ADGRE2: variants seen among roughly 807,000 people sequenced by gnomAD.
ADGRE2 encodes the protein adhesion G protein-coupled receptor E2, also known as CD97 antigen.
In ADGRE2, 83 loss-of-function variants were observed where a neutral mutation model predicts 100.8. The ratio of observed to expected loss-of-function variants is 0.82; its 90% confidence interval spans 0.69 to 0.99. The LOEUF is 0.99. Ranked by LOEUF, ADGRE2 falls within the 50% of genes least tolerant of loss-of-function variation. ADGRE2 has a pLI of 0.00. For missense variants in ADGRE2, 814 were observed against 1,035.7 expected (o/e 0.79, Z 2.94); for synonymous variants, 355 against 413.0 (o/e 0.86, Z 1.70).
At position 14,764,757 on chromosome 19, in the gene ADGRE2, G is replaced by A. The variant is rs183725720; in HGVS notation, c.907-147C>T. Reference sequence around the variant, plus strand: ...TTGGCGGCTGGGCGCGGTGGCTCACGCCTCTAATTCCAGCACTTTGGGAGG... The same window carrying A: ...TTGGCGGCTGGGCGCGGTGGCTCACACCTCTAATTCCAGCACTTTGGGAGG... On this transcript the variant is annotated intron_variant, in intron 10 of 20. Coordinates refer to ENST00000315576, the MANE Select transcript of ADGRE2 (RefSeq NM_013447.4). The A allele has an allele frequency of 3.5e-4, 281 of 812,510 alleles. 3 individuals carry two copies. The African/African-American group carries it at 4.3e-3, about 13-fold the overall frequency. 50.3% of individuals were successfully genotyped at this position (812,510 alleles called of 1,614,324 possible). A position where few individuals can be genotyped will look rare whatever the true frequency, so the allele number is the denominator to read the frequency against.
chr19:14,748,340 C>T (rs1158749263), intron 16 of ADGRE2, among the ~76,000 whole-genome samples: 4 of 132,408 alleles, frequency 3.0e-5, no homozygotes, highest in African/African-American at 1.2e-4. Flanking sequence ...GATGGAGTCT[C>T]GCTCTGTGGC....
chr19:14,731,930 T>A (rs757295), downstream of ADGRE2: 115,549 of 152,098 alleles, frequency 0.76, 44,533 homozygotes, highest in African/African-American at 0.87. Context: ...CCTCTGACCT[T>A]CCTTCCCCAA....
chr19:14,772,073 G>A (rs2044231417), intron 5 of ADGRE2: 3 of 513,656 alleles, frequency 5.8e-6, no homozygotes, highest in Admixed American at 3.3e-5. Context: ...AAGGCTCTAA[G>A]AGCAGTAGTG....
In ADGRE2 at chr19:14,743,671, A is replaced by C. The variant is rs765424060; in HGVS notation, c.2297T>G (p.Ile766Ser). The C allele has an allele frequency of 5.0e-6, 8 of 1,614,018 alleles. No individual in the cohort carries two copies. In the South Asian group the frequency reaches 8.8e-5, roughly 18 times the overall value. ...GATGAAGACACCCTGCAGGCTGTTG[A>C]TGATGGTGAAGAGGTAGGCCATGAC... is the stretch of plus-strand genomic sequence containing the variant. ...ARVMAYLFTI[I>S]NSLQGVFIFL... The change falls in exon 19 of 21, where the codon ATC becomes AGC. Residue 766 changes from isoleucine (I) to serine (S), a missense_variant. Physicochemically the swap from Ile to Ser is moderately radical, Grantham distance 142. Coordinates refer to ENST00000315576, the MANE Select transcript of ADGRE2 (RefSeq NM_013447.4).
In ADGRE2 at chr19:14,765,349, T is replaced by G. The variant is rs2043917146; in HGVS notation, c.877A>C (p.Lys293Gln). The G allele has an allele frequency of 6.2e-7, 1 of 1,614,120 alleles. No individual in the cohort carries two copies. The highest frequency in any genetic ancestry group is 1.3e-5 in the African/African-American group (1 of 75,060). ...ATGGTGTTATTGGCCAAGCCTGGCTTGTAGTCTCTGCCCAGGTCCTGGACT... is the reference window on the plus strand; with the variant it reads ...ATGGTGTTATTGGCCAAGCCTGGCTGGTAGTCTCTGCCCAGGTCCTGGACT... ...DKVQDLGRDY[K>Q]PGLANNTIQS... The change falls in exon 10 of 21, where the codon AAG (lysine) becomes CAG (glutamine). Residue 293 changes from lysine to glutamine, a missense_variant. Coordinates refer to ENST00000315576, the MANE Select transcript of ADGRE2 (RefSeq NM_013447.4).
intron 5 of ADGRE2, among the ~76,000 whole-genome samples, chr19:14,769,822 T>C (rs1168200139): frequency 1.3e-5 from 2 of 152,130 alleles, no homozygotes; most frequent in Non-Finnish European, 2.9e-5. Flanking sequence ...CCTCAGTCTC[T>C]GATTAGCTGG....
intron 18 of ADGRE2, among the ~76,000 whole-genome samples, chr19:14,744,324 A>C (rs1034718422): frequency 6.6e-6 from 1 of 152,200 alleles, no homozygotes; most frequent in African/African-American, 2.4e-5. Context: ...TCAAATCACC[A>C]ATACAACCAG....
At chr19:14,751,393 G>C (rs3752186) in intron 16 of ADGRE2, 43 bp downstream of exon 16, 1 of 1,462,654 alleles carries the variant, frequency 6.8e-7, no homozygotes, top group Non-Finnish European at 9.6e-7. Flanking sequence ...CAATGGCCAT[G>C]GTTATGCCGG....
chr19:14,762,790 T>C (rs1399478289), intron 11 of ADGRE2, among the ~76,000 whole-genome samples: 1 of 151,972 alleles, frequency 6.6e-6, no homozygotes, highest in Non-Finnish European at 1.5e-5. Context: ...ATTACAGGTG[T>C]GCACCACCAC....
intron 13 of ADGRE2, 91 bp from the exon 14 acceptor site, chr19:14,755,218 G>A (rs901016782): frequency 2.3e-6 from 3 of 1,291,182 alleles, no homozygotes; most frequent in Non-Finnish European, 3.2e-6. Flanking sequence ...TGGATCACTT[G>A]AGGTCAGGAG....
chr19:14,731,439 C>G (rs1192398267), downstream of ADGRE2: 9 of 524,196 alleles, frequency 1.7e-5, no homozygotes, highest in Admixed American at 2.0e-4. Context: ...AGACTAAGGC[C>G]TGTGTGGGTC....
At chr19:14,754,307 A>T (rs1373404493) in intron 14 of ADGRE2, among the ~76,000 whole-genome samples, 3 of 148,854 alleles carry the variant, frequency 2.0e-5, no homozygotes, top group Admixed American at 6.8e-5. Flanking sequence ...CTATATATAT[A>T]GATCTCTCTC....
chr19:14,727,308 G>T, the ADGRE2 span, among the ~76,000 whole-genome samples: 12 of 152,114 alleles, frequency 7.9e-5, no homozygotes, highest in Admixed American at 1.3e-4. Context: ...GATTACAGGT[G>T]TGAGCCACCA....
chr19:14,750,461 C>T (rs1051610251), intron 16 of ADGRE2, among the ~76,000 whole-genome samples: 2 of 152,028 alleles, frequency 1.3e-5, no homozygotes, highest in Non-Finnish European at 2.9e-5. Context: ...TAACATCATA[C>T]ATTAATGAGG....
chr19:14,740,297 G>A (rs747718061), intron 20 of ADGRE2, among the ~76,000 whole-genome samples: 1 of 151,782 alleles, frequency 6.6e-6, no homozygotes, highest in Non-Finnish European at 1.5e-5. Flanking sequence ...AAGATCCTGT[G>A]TTGGAAACAG....
At position 14,771,213 on chromosome 19, in the gene ADGRE2, G is replaced by A. The variant is rs182498861; in HGVS notation, c.355+1129C>T. Among the ~76,000 whole-genome samples, 14 of 152,292 alleles carry A rather than the reference G, an allele frequency of 9.2e-5. No homozygotes were observed. In the East Asian group the frequency reaches 2.5e-3, roughly 27 times the overall value. Reference sequence around the variant, plus strand: ...GGACAGGGCTGGGAACAGGAGCACTGCCACTTTTCTCTTTACAGCAGGGCA... The same window carrying A: ...GGACAGGGCTGGGAACAGGAGCACTACCACTTTTCTCTTTACAGCAGGGCA... On this transcript the variant is annotated intron_variant, in intron 5 of 20. Transcript: ENST00000315576.
Position 14,772,544 on chromosome 19 carries a change from C to T in ADGRE2, c.200-47G>A, listed in dbSNP as rs115050505. The stretch of plus-strand genomic sequence containing the variant: ...GGTCATCTCCCAAAGATGTGAGTTC[C>T]GTCAGGGCAGAGACCCCCGTCCTGA... On this transcript the variant is annotated intron_variant, in intron 4 of 20. Coordinates refer to ENST00000315576, the MANE Select transcript of ADGRE2 (RefSeq NM_013447.4). The T allele has an allele frequency of 8.3e-4, 1,338 of 1,605,278 alleles. 15 individuals carry two copies. The African/African-American group carries it at 0.016, about 19-fold the overall frequency.
Position 14,776,847 on chromosome 19 carries a change from C to T in ADGRE2, c.-91G>A, listed in dbSNP as rs2044462504. 6.3e-7 allele frequency: 1 copy of T among 1,582,032 alleles called. No individual in the cohort carries two copies. The highest frequency in any genetic ancestry group is 1.1e-5 in the South Asian group (1 of 87,068). ...TCCGCAGGCTGGGCAGCTGTGCGGGCTGTCCCGAGGCCAGGACTTTATAAA... is the reference window on the plus strand; with the variant it reads ...TCCGCAGGCTGGGCAGCTGTGCGGGTTGTCCCGAGGCCAGGACTTTATAAA... On this transcript the variant is annotated 5_prime_UTR_variant, in exon 2 of 21. Coordinates refer to ENST00000315576, the MANE Select transcript of ADGRE2 (RefSeq NM_013447.4).
chr19:14,729,607 C>G (rs1293235076), downstream of ADGRE2, among the ~76,000 whole-genome samples: 2 of 152,144 alleles, frequency 1.3e-5, no homozygotes, highest in Non-Finnish European at 2.9e-5. Flanking sequence ...CCCACCCCAG[C>G]CTCCCAAAGT....
Sources: gnomAD v4.1 joint callset for allele counts (sites outside exome capture counted in the v4.1 genomes callset) on GRCh38, gnomAD v4.1.1 for gene constraint, MANE v1.5 for transcripts, NCBI Gene and HGNC (gene_info 2026-07-23, HGNC 2026-07-21) for gene names.